QTMAN: variants seen among roughly 807,000 people sequenced by gnomAD.
QTMAN encodes the protein tRNA-queuosine alpha-mannosyltransferase.
the QTMAN span, among the ~76,000 whole-genome samples, chr2:144,250,703 C>T: frequency 3.5e-5 from 5 of 140,884 alleles, no homozygotes; most frequent in Non-Finnish European, 7.6e-5. Context: ...GCTTACTACA[C>T]ATTACTTTAT....
the QTMAN span, among the ~76,000 whole-genome samples, chr2:144,240,820 C>T: frequency 2.6e-5 from 4 of 152,342 alleles, no homozygotes; most frequent in East Asian, 7.7e-4. Flanking sequence ...CGACACACTA[C>T]TGAGGCCTTG....
chr2:144,169,835 T>A, the QTMAN span, among the ~76,000 whole-genome samples: 2 of 152,068 alleles, frequency 1.3e-5, no homozygotes. Context: ...TCATTAATAA[T>A]GTGTACTTTT....
chr2:143,982,387 C>A, the QTMAN span, among the ~76,000 whole-genome samples: 114 of 151,742 alleles, frequency 7.5e-4, no homozygotes, highest in South Asian at 4.8e-3. Flanking sequence ...TGCACCACTA[C>A]GCCCAGCTAA....
chr2:144,070,081 T>C, the QTMAN span, among the ~76,000 whole-genome samples: 1 of 152,086 alleles, frequency 6.6e-6, no homozygotes, highest in African/African-American at 2.4e-5. Flanking sequence ...TGGAAACTTA[T>C]TTCTCCCTCT....
the QTMAN span, among the ~76,000 whole-genome samples, chr2:144,230,895 T>C: frequency 6.6e-6 from 1 of 152,152 alleles, no homozygotes; most frequent in South Asian, 2.1e-4. Flanking sequence ...AAAAGCTAAA[T>C]GTCACTTTAC....
At chr2:143,984,490 A>T in the QTMAN span, among the ~76,000 whole-genome samples, 1 of 152,182 alleles carries the variant, frequency 6.6e-6, no homozygotes, top group Admixed American at 6.5e-5. Context: ...GCTGGTGCTA[A>T]GAGTTTCCCT....
chr2:143,945,670 C>T, the QTMAN span: 7 of 152,242 alleles, frequency 4.6e-5, no homozygotes, highest in African/African-American at 1.7e-4. Flanking sequence ...GCTAGAAAGC[C>T]TGGCTTGCCC....
the QTMAN span, among the ~76,000 whole-genome samples, chr2:144,139,815 C>T: frequency 6.6e-5 from 10 of 152,096 alleles, no homozygotes; most frequent in Middle Eastern, 3.4e-3. Flanking sequence ...TATGGCTTTT[C>T]TCCCCTCCCT....
chr2:143,953,021 C>T, the QTMAN span, among the ~76,000 whole-genome samples: 1 of 151,748 alleles, frequency 6.6e-6, no homozygotes, highest in Non-Finnish European at 1.5e-5. Flanking sequence ...TTTTATTGAT[C>T]ATATATGAAT....
the QTMAN span, among the ~76,000 whole-genome samples, chr2:143,995,865 A>G: frequency 6.6e-6 from 1 of 152,194 alleles, no homozygotes; most frequent in African/African-American, 2.4e-5. Flanking sequence ...CCACGTGTCT[A>G]GAAGATCTCT....
the QTMAN span, among the ~76,000 whole-genome samples, chr2:144,303,953 A>G: frequency 1.3e-5 from 2 of 152,246 alleles, no homozygotes; most frequent in East Asian, 3.8e-4. Flanking sequence ...AGCCTGAGGT[A>G]GCTTAAGTTT....
At chr2:143,968,151 A>G in the QTMAN span, among the ~76,000 whole-genome samples, 3 of 152,214 alleles carry the variant, frequency 2.0e-5, no homozygotes, top group East Asian at 3.8e-4. Context: ...ATGAAGTGCC[A>G]TGGCCGTGAA....
the QTMAN span, among the ~76,000 whole-genome samples, chr2:144,212,387 G>C: frequency 2.0e-5 from 3 of 152,036 alleles, no homozygotes; most frequent in African/African-American, 7.2e-5. Flanking sequence ...GCTTGAACCT[G>C]GGAGGCAGAG....
the QTMAN span, among the ~76,000 whole-genome samples, chr2:144,095,745 A>T: frequency 6.6e-6 from 1 of 152,158 alleles, no homozygotes; most frequent in African/African-American, 2.4e-5. Context: ...CATTGCAATT[A>T]TGAAATCAAT....
At chr2:144,183,944 C>G in the QTMAN span, among the ~76,000 whole-genome samples, 1 of 152,056 alleles carries the variant, frequency 6.6e-6, no homozygotes, top group Non-Finnish European at 1.5e-5. Context: ...ACAGGAAATG[C>G]AAATCATGCA....
At chr2:143,942,246 A>G in the QTMAN span, 3 of 167,166 alleles carry the variant, frequency 1.8e-5, no homozygotes, top group Admixed American at 1.3e-4. Flanking sequence ...AGATAATGAT[A>G]GATGATGGTG....
chr2:144,173,819 T>C, the QTMAN span, among the ~76,000 whole-genome samples: 1 of 152,188 alleles, frequency 6.6e-6, no homozygotes, highest in Non-Finnish European at 1.5e-5. Context: ...GCTACTCGCA[T>C]GGGAGTGAAG....
chr2:144,106,921 G>A, the QTMAN span, among the ~76,000 whole-genome samples: 8 of 152,186 alleles, frequency 5.3e-5, no homozygotes, highest in African/African-American at 1.7e-4. Context: ...AGACCACAGT[G>A]CAATCAAACT....
chr2:143,952,765 G>A, the QTMAN span: 1 of 1,546,430 alleles, frequency 6.5e-7, no homozygotes, highest in African/African-American at 1.4e-5. Context: ...GTACATTAAA[G>A]CAGCTACCTG....
Sources: allele counts gnomAD v4.1 joint callset (sites outside exome capture counted in the v4.1 genomes callset), GRCh38; gene constraint gnomAD v4.1.1; transcripts MANE v1.5; gene names NCBI Gene and HGNC (gene_info 2026-07-23, HGNC 2026-07-21).